The following CNTNAP4 variants were observed in gnomAD, a reference collection of about 807,000 sequenced individuals.
The protein encoded by CNTNAP4 is contactin-associated protein-like 4.
A neutral mutation model predicts 148.4 loss-of-function variants in CNTNAP4; 98 were observed. The observed-to-expected ratio is 0.66, with a 90% confidence interval of 0.56 to 0.78. The LOEUF is 0.78. Among genes scored for constraint, CNTNAP4 ranks in the 30% least tolerant of loss-of-function variants. CNTNAP4 has a pLI of 0.00. For missense variants in CNTNAP4, 1,935 were observed against 1,565.6 expected (o/e 1.24, Z -3.98); for synonymous variants, 730 against 565.1 (o/e 1.29, Z -4.14).
intron 4 of CNTNAP4, among the ~76,000 whole-genome samples, chr16:76,429,424 A>T (rs1419456660): frequency 6.6e-6 from 1 of 152,190 alleles, no homozygotes; most frequent in African/African-American, 2.4e-5. Context: ...GTTATTGTGC[A>T]TGTATTTTTT....
intron 3 of CNTNAP4, among the ~76,000 whole-genome samples, chr16:76,419,206 C>T (rs576393390): frequency 6.6e-6 from 1 of 152,074 alleles, no homozygotes; most frequent in East Asian, 1.9e-4. Context: ...CAATCTATTT[C>T]TGTGACGCTC....
At chr16:76,345,755 G>A (rs139171451) in intron 2 of CNTNAP4, among the ~76,000 whole-genome samples, 2 of 152,164 alleles carry the variant, frequency 1.3e-5, no homozygotes, top group African/African-American at 4.8e-5. Context: ...CTGGCAAGAG[G>A]CTGGATGAAG....
rs184297614 is a variant in CNTNAP4, at chr16:76,511,328, G to T, written c.2366-9812G>T. Reference sequence around the variant, plus strand: ...TCACTGGAGTTAGTTTCTTCATTTTGTCTGCATCGACTAGTACAGCTGTCT... The same window carrying T: ...TCACTGGAGTTAGTTTCTTCATTTTTTCTGCATCGACTAGTACAGCTGTCT... On this transcript the variant is annotated intron_variant, in intron 15 of 23. Coordinates refer to ENST00000611870, the MANE Select transcript of CNTNAP4 (RefSeq NM_033401.5). Among the ~76,000 whole-genome samples the T allele has an allele frequency of 2.5e-3, 387 of 152,178 alleles. 2 individuals are homozygous for T. The highest frequency in any genetic ancestry group is 8.9e-3 in the African/African-American group (369 of 41,530).
Position 76,452,628 on chromosome 16 carries a change from T to C in CNTNAP4, c.1192T>C (p.Phe398Leu). The C allele has an allele frequency of 6.2e-7, 1 of 1,613,978 alleles. No individual in the cohort carries two copies. ...GGAGGAGGTTTCTGCCACTTTTCAA[T>C]TTCGAACTTGGAATAAGGCAGGGCT... is the stretch of plus-strand genomic sequence containing the variant. ...GEEEVSATFQ[F>L]RTWNKAGLLL... Residue 398 changes from phenylalanine to leucine, a missense_variant, in exon 8 of 24, where the codon TTT becomes CTT. Transcript: ENST00000611870.
chr16:76,497,401 A>C (rs1293868104), intron 14 of CNTNAP4, among the ~76,000 whole-genome samples: 2 of 152,198 alleles, frequency 1.3e-5, no homozygotes, highest in Non-Finnish European at 2.9e-5. Context: ...AAATACAATA[A>C]ATATAGCTAA....
intron 3 of CNTNAP4, among the ~76,000 whole-genome samples, chr16:76,416,002 C>G (rs1381862751): frequency 6.7e-6 from 1 of 149,522 alleles, no homozygotes. Flanking sequence ...TAATTTTTGG[C>G]TTTAATTTGC....
intron 3 of CNTNAP4, among the ~76,000 whole-genome samples, chr16:76,405,850 A>G (rs972880436): frequency 6.6e-6 from 1 of 152,152 alleles, no homozygotes; most frequent in Non-Finnish European, 1.5e-5. Flanking sequence ...TATGACTTAT[A>G]GAAACTGATA....
rs560708239 is a variant in CNTNAP4, at chr16:76,335,510, G to A, written c.196+18987G>A. Among the ~76,000 whole-genome samples the A allele has an allele frequency of 5.9e-5, 9 of 152,226 alleles. No homozygotes were observed. In the South Asian group the frequency reaches 1.9e-3, roughly 32 times the overall value. The stretch of plus-strand genomic sequence containing the variant: ...TCCTACTGAGAGGAAGGAGAGTTTG[G>A]AAAGGAAGGATGAGGGTAAGACATG... On this transcript the variant is annotated intron_variant, in intron 2 of 23. Transcript: ENST00000611870.
Position 76,475,919 on chromosome 16 carries a change from G to T in CNTNAP4, c.1656-20G>T. On this transcript the variant is annotated intron_variant, in intron 10 of 23. Transcript: ENST00000611870. ...TATCTAAAAATGGAAACTGGTGATT[G>T]TATCTGCACCTTCTTTTAGGTGTTT... 1.9e-6 allele frequency: 3 copies of T among 1,567,772 alleles called. No homozygotes were observed. Among genetic ancestry groups the T allele is most frequent in the South Asian group, 2.2e-5 (2 of 89,844 alleles).
intron 3 of CNTNAP4, among the ~76,000 whole-genome samples, chr16:76,397,903 A>G (rs1199927245): frequency 1.5e-5 from 2 of 131,896 alleles, no homozygotes; most frequent in East Asian, 4.7e-4. Context: ...TAGCATACAT[A>G]TATTAGGGTT....
intron 12 of CNTNAP4, among the ~76,000 whole-genome samples, chr16:76,488,136 G>A (rs1319233807): frequency 1.3e-5 from 2 of 152,136 alleles, no homozygotes; most frequent in African/African-American, 2.4e-5. Context: ...GGTTGAGTTG[G>A]CTGAAATTAC....
chr16:76,337,895 C>T (rs980856624), intron 2 of CNTNAP4, among the ~76,000 whole-genome samples: 3 of 152,170 alleles, frequency 2.0e-5, no homozygotes, highest in Non-Finnish European at 4.4e-5. Flanking sequence ...TGCCTGACCC[C>T]GCAGGCAGTC....
chr16:76,403,363 G>A (rs1437785638), intron 3 of CNTNAP4, among the ~76,000 whole-genome samples: 5 of 152,104 alleles, frequency 3.3e-5, no homozygotes, highest in Admixed American at 6.6e-5. Flanking sequence ...AAAGGGCTGG[G>A]ATTACAGGCT....
At chr16:76,409,207 A>T (rs1470080384) in intron 3 of CNTNAP4, among the ~76,000 whole-genome samples, 2 of 151,960 alleles carry the variant, frequency 1.3e-5, no homozygotes, top group East Asian at 3.9e-4. Flanking sequence ...CCTCAGATAC[A>T]TTTATTTTAA....
At chr16:76,429,154 T>C (rs1326445418) in intron 4 of CNTNAP4, among the ~76,000 whole-genome samples, 2 of 152,140 alleles carry the variant, frequency 1.3e-5, no homozygotes, top group Admixed American at 6.6e-5. Context: ...ACCATGTTAG[T>C]TCCTCACGTC....
At chr16:76,400,223 A>G (rs2078360435) in intron 3 of CNTNAP4, among the ~76,000 whole-genome samples, 1 of 152,164 alleles carries the variant, frequency 6.6e-6, no homozygotes, top group African/African-American at 2.4e-5. Flanking sequence ...GCAAGAGCCA[A>G]TACTGGGGTG....
rs1263213017 is a variant in CNTNAP4, at chr16:76,277,492, A to G, written c.-171A>G. On this transcript the variant is annotated 5_prime_UTR_variant, in exon 1 of 24. Coordinates refer to ENST00000611870, the MANE Select transcript of CNTNAP4 (RefSeq NM_033401.5). ...GGAGAGAGAGAGGGAGAGAGAAGAG[A>G]GGGAGGAGGGAAGAAGAAAAGACGG... 1.2e-5 allele frequency: 7 copies of G among 582,614 alleles called. No individual in the cohort carries two copies. The highest frequency in any genetic ancestry group is 6.0e-5 in the Admixed American group (2 of 33,192). 36.1% of individuals were successfully genotyped at this position (582,614 alleles called of 1,614,324 possible).
intron 15 of CNTNAP4, among the ~76,000 whole-genome samples, chr16:76,519,524 C>T (rs1433062045): frequency 6.6e-6 from 1 of 152,162 alleles, no homozygotes; most frequent in South Asian, 2.1e-4. Flanking sequence ...TAATGTGAAG[C>T]TTATTTTTAT....
intron 17 of CNTNAP4, among the ~76,000 whole-genome samples, chr16:76,534,618 C>G (rs1055692220): frequency 7.9e-5 from 12 of 152,302 alleles, no homozygotes; most frequent in Admixed American, 2.6e-4. Context: ...AGTGCTTATA[C>G]AATGATGGTC....
Sources: gnomAD v4.1 joint callset for allele counts (sites outside exome capture counted in the v4.1 genomes callset) on GRCh38, gnomAD v4.1.1 for gene constraint, MANE v1.5 for transcripts, NCBI Gene and HGNC (gene_info 2026-07-23, HGNC 2026-07-21) for gene names.